ADGRL2: variants seen among roughly 807,000 people sequenced by gnomAD.
ADGRL2 encodes the protein adhesion G protein-coupled receptor L2, also known as calcium-independent alpha-latrotoxin receptor 2.
Under a neutral mutation model 157.4 loss-of-function variants are expected in ADGRL2, and 44 were observed. That is an observed-to-expected ratio of 0.28 (90% CI 0.22 to 0.36). The LOEUF (loss-of-function observed/expected upper bound fraction) is 0.36. ADGRL2 is among the 10% of genes least tolerant of loss of function. The pLI is 1.00. For synonymous variants in ADGRL2, 585 were observed against 624.7 expected, an observed-to-expected ratio of 0.94 and a Z score of 0.95; for missense variants, 1,510 against 1,768.9, an observed-to-expected ratio of 0.85 and a Z score of 2.63.
chr1:81,941,986 T>C (rs551343541), intron 4 of ADGRL2, 48 bp from the exon 5 acceptor site: 1 of 752,810 alleles, frequency 1.3e-6, no homozygotes, highest in Admixed American at 1.8e-5. Flanking sequence ...CTTTTTTCTT[T>C]TTTCCTTGCA....
chr1:81,800,345 C>T (rs897523539), upstream of ADGRL2: 2 of 152,100 alleles, frequency 1.3e-5, no homozygotes, highest in East Asian at 1.9e-4. Flanking sequence ...GTATCAAAGA[C>T]GCATTAACCC....
chr1:81,739,402 T>G (rs189761113), intron 1 of ADGRL2, among the ~76,000 whole-genome samples: 23 of 152,328 alleles, frequency 1.5e-4, no homozygotes, highest in Non-Finnish European at 2.8e-4. Context: ...AATAAATTAT[T>G]CATGGTTTGA....
At chr1:81,577,910 G>A (rs2080828002) in intron 2 of ADGRL2, among the ~76,000 whole-genome samples, 1 of 152,092 alleles carries the variant, frequency 6.6e-6, no homozygotes, top group Non-Finnish European at 1.5e-5. Context: ...TTAAAAATCA[G>A]TAAGAAAAGG....
intron 17 of ADGRL2, 150 bp downstream of exon 17, chr1:81,972,068 T>C: frequency 2.3e-6 from 1 of 431,884 alleles, no homozygotes; most frequent in African/African-American, 2.0e-5. Context: ...ATTTTAAATA[T>C]TTTTTATAAA....
chr1:81,440,781 C>G lies in ADGRL2; in HGVS notation c.-301-4255C>G, dbSNP rs560126175. On this transcript the variant is annotated intron_variant, in intron 1 of 24. Coordinates refer to the ADGRL2 transcript ENST00000370721. ...CTCCAAGTTTCTAATTTATCTATGT[C>G]TCTTCCTTTTCCCTTACTGCACGTC... Among the ~76,000 whole-genome samples the G allele has an allele frequency of 2.0e-5, 3 of 152,164 alleles. No homozygotes were observed. In the East Asian group the frequency reaches 5.8e-4, roughly 29 times the overall value.
chr1:81,306,660 G>T (rs146454316), intron 1 of ADGRL2, among the ~76,000 whole-genome samples: 184 of 152,162 alleles, frequency 1.2e-3, no homozygotes, highest in Non-Finnish European at 1.8e-4. Flanking sequence ...AACCATATAG[G>T]TACAATTGTT....
chr1:81,889,642 A>G (rs2094211782), intron 2 of ADGRL2, among the ~76,000 whole-genome samples: 1 of 152,240 alleles, frequency 6.6e-6, no homozygotes, highest in African/African-American at 2.4e-5. Flanking sequence ...AGCTAAGATC[A>G]TTGATGGAGG....
At chr1:81,343,729 T>A (rs1018062441) in intron 1 of ADGRL2, among the ~76,000 whole-genome samples, 1 of 151,704 alleles carries the variant, frequency 6.6e-6, no homozygotes, top group Non-Finnish European at 1.5e-5. Flanking sequence ...AGAAAGAGAT[T>A]GTGACAGAGA....
chr1:81,356,911 C>CCA (rs1663340017), intron 1 of ADGRL2, among the ~76,000 whole-genome samples: 1 of 133,600 alleles, frequency 7.5e-6, no homozygotes, highest in African/African-American at 2.9e-5. Context: ...AGAGATCGCG[C>CCA]CACTGCACTC....
intron 2 of ADGRL2, among the ~76,000 whole-genome samples, chr1:81,766,131 G>C (rs17425903): frequency 0.082 from 12,524 of 152,182 alleles, 679 homozygotes; most frequent in South Asian, 0.13. Flanking sequence ...CAATTGATGA[G>C]CTTTTTTACA....
intron 2 of ADGRL2, among the ~76,000 whole-genome samples, chr1:81,900,474 T>C (rs1345608983): frequency 6.6e-6 from 1 of 152,094 alleles, no homozygotes; most frequent in Non-Finnish European, 1.5e-5. Flanking sequence ...CTGACATGAT[T>C]TGGAGTAGAG....
intron 3 of ADGRL2, among the ~76,000 whole-genome samples, chr1:81,927,374 TAAA>T (rs911953472): frequency 6.6e-6 from 1 of 152,052 alleles, no homozygotes; most frequent in African/African-American, 2.4e-5. Flanking sequence ...ATTTTAATAA[TAAA>T]TGCAATTTTA....
In ADGRL2 at chr1:81,981,853, C is replaced by T. The variant is rs1193244020; in HGVS notation, c.3159C>T (p.Leu1053=). Residue 1053 remains leucine (L), a synonymous_variant, in exon 19 of 24, where the codon CTC becomes CTT. Coordinates refer to ENST00000686636, the MANE Select transcript of ADGRL2 (RefSeq NM_001366006.2). ...TCGCTCTTCTGTGTCTTCTTGGCCT[C>T]ACCTGGTCCTTTGGGTTGCTTTTTA... ...GAFALLCLLG[L]TWSFGLLFIN... 6.2e-7 allele frequency: 1 copy of T among 1,612,344 alleles called. No individual in the cohort carries two copies. Among genetic ancestry groups the T allele is most frequent in the South Asian group, 1.1e-5 (1 of 91,002 alleles).
At chr1:81,562,356 C>T (rs1250487188) in intron 2 of ADGRL2, among the ~76,000 whole-genome samples, 1 of 152,122 alleles carries the variant, frequency 6.6e-6, no homozygotes, top group Non-Finnish European at 1.5e-5. Context: ...ATCCACACCA[C>T]CCACCCATAT....
At chr1:81,426,775 A>G (rs2077225064) in intron 1 of ADGRL2, 1 of 462,278 alleles carries the variant, frequency 2.2e-6, no homozygotes, top group Non-Finnish European at 4.1e-6. Flanking sequence ...ATTGGAACCA[A>G]AGATAACTCT....
At chr1:81,885,486 T>C (rs1313967097) in intron 2 of ADGRL2, among the ~76,000 whole-genome samples, 1 of 152,204 alleles carries the variant, frequency 6.6e-6, no homozygotes, top group Non-Finnish European at 1.5e-5. Flanking sequence ...TTGACAAGAA[T>C]ATACTACTGC....
intron 2 of ADGRL2, among the ~76,000 whole-genome samples, chr1:81,577,481 A>G (rs1320145941): frequency 6.6e-6 from 1 of 152,172 alleles, no homozygotes; most frequent in African/African-American, 2.4e-5. Context: ...CCTTGGTGAT[A>G]CACTGACAGG....
intron 2 of ADGRL2, among the ~76,000 whole-genome samples, chr1:81,872,648 T>C (rs2093729154): frequency 6.6e-6 from 1 of 152,104 alleles, no homozygotes; most frequent in Non-Finnish European, 1.5e-5. Flanking sequence ...CATGTCAGAC[T>C]AAGTAGAAGG....
chr1:81,320,175 C>T (rs116830791), intron 1 of ADGRL2, among the ~76,000 whole-genome samples: 10 of 152,190 alleles, frequency 6.6e-5, no homozygotes, highest in Non-Finnish European at 8.8e-5. Flanking sequence ...ACTTCTCATC[C>T]ATTCAAGTTT....
Sources: gnomAD v4.1 joint callset for allele counts (sites outside exome capture counted in the v4.1 genomes callset) on GRCh38, gnomAD v4.1.1 for gene constraint, MANE v1.5 for transcripts, NCBI Gene and HGNC (gene_info 2026-07-23, HGNC 2026-07-21) for gene names.